Variants in MROH2B observed in about 807,000 individuals in gnomAD.
The protein encoded by MROH2B is maestro heat-like repeat-containing protein family member 2B.
In MROH2B, 177 loss-of-function variants were observed where a neutral mutation model predicts 208.6. The ratio of observed to expected loss-of-function variants is 0.85; its 90% CI spans 0.75 to 0.96. The LOEUF (loss-of-function observed/expected upper bound fraction) is 0.96. Ranked by LOEUF, MROH2B falls within the 40% of genes least tolerant of loss-of-function variation. MROH2B has a pLI of 0.00. For missense variants in MROH2B, 2,002 were observed against 1,878.7 expected (o/e 1.07, Z -1.21); for synonymous variants, 728 against 659.0 (o/e 1.10, Z -1.60).
intron 21 of MROH2B, among the ~76,000 whole-genome samples, chr5:41,035,224 G>A (rs1742716323): frequency 6.6e-6 from 1 of 152,000 alleles, no homozygotes. Flanking sequence ...GCATGGTGCT[G>A]GCACAAAAAC....
In MROH2B at chr5:41,015,413, C is replaced by T; in HGVS notation, c.2950G>A (p.Val984Ile). The change falls in exon 29 of 42, where the codon GTT (valine) becomes ATT (isoleucine). Residue 984 changes from valine (V) to isoleucine (I), a missense_variant. Physicochemically the swap from Val to Ile is conservative, Grantham distance 29. Coordinates refer to ENST00000399564, the MANE Select transcript of MROH2B (RefSeq NM_173489.5). ...QEGLESDDVQ[V>I]QIKISSKIAK... The stretch of plus-strand genomic sequence containing the variant: ...ATTTTAGAAGAAATCTTGATCTGAA[C>T]CTGCACGTCATCACTTTCCAGCCCT... 6.2e-7 allele frequency: 1 copy of T among 1,613,582 alleles called. No homozygotes were observed. Among genetic ancestry groups the T allele is most frequent in the Non-Finnish European group, 8.5e-7 (1 of 1,179,690 alleles).
chr5:41,070,740 C>T (rs758709822), intron 1 of MROH2B, 85 bp downstream of exon 1: 134 of 1,415,906 alleles, frequency 9.5e-5, no homozygotes, highest in Non-Finnish European at 1.2e-4. Context: ...TGACGCGCCA[C>T]TCCCAGCCCT....
chr5:41,047,468 G>A (rs1480409109), intron 17 of MROH2B, among the ~76,000 whole-genome samples: 2 of 152,094 alleles, frequency 1.3e-5, no homozygotes. Context: ...GAAAGACACA[G>A]GAAAAATATT....
intron 37 of MROH2B, among the ~76,000 whole-genome samples, chr5:41,003,695 A>G (rs905581788): frequency 6.6e-6 from 1 of 152,252 alleles, no homozygotes; most frequent in African/African-American, 2.4e-5. Flanking sequence ...GTTTATGAAG[A>G]ATGCACTAGA....
Position 40,998,048 on chromosome 5 carries a change from T to C in MROH2B, c.*4A>G. The stretch of plus-strand genomic sequence containing the variant: ...GAAAAGCCAGCAGTTTATTTCTTGA[T>C]GGCTTACAGAGGAATGCTTGTCTCT... On this transcript the variant is annotated 3_prime_UTR_variant, in exon 42 of 42. Transcript: ENST00000399564. 6.2e-7 allele frequency: 1 copy of C among 1,601,328 alleles called. No homozygotes were observed. The highest frequency in any genetic ancestry group is 8.5e-7 in the Non-Finnish European group (1 of 1,170,884).
chr5:41,061,443 T>G, intron 6 of MROH2B, 127 bp downstream of exon 6: 5 of 816,256 alleles, frequency 6.1e-6, no homozygotes, highest in Non-Finnish European at 8.8e-6. Context: ...AAAAAATTGA[T>G]AAATCTCATA....
Position 41,000,691 on chromosome 5 carries a change from G to A in MROH2B, c.4337C>T (p.Pro1446Leu). ...GAGAGCACTTACAACTCCAATCTTG[G>A]GGTTGGGATCCCAAAGGTGCAGAAG... is the stretch of plus-strand genomic sequence containing the variant. ...SFLLHLWDPN[P>L]KIGVACRDVL... The change falls in exon 38 of 42, where the codon CCC (proline) becomes CTC (leucine). Residue 1446 changes from proline (P) to leucine (L), a missense_variant. By Grantham distance (98) the Pro-to-Leu change is moderately conservative. Coordinates refer to ENST00000399564, the MANE Select transcript of MROH2B (RefSeq NM_173489.5). The A allele has an allele frequency of 6.2e-7, 1 of 1,611,248 alleles. No homozygotes were observed. The highest frequency in any genetic ancestry group is 8.5e-7 in the Non-Finnish European group (1 of 1,178,814).
rs373008743 is a variant in MROH2B at position 41,061,628 on chromosome 5, A to T, written c.557T>A (p.Ile186Asn). ...RLDANRLSDK[I>N]FMLFWYIMEK... Reference sequence around the variant, plus strand: ...CATTATATACCAGAACAGCATGAAGATCTTGTCAGACAGTCGGTTGGCATC... The same window carrying T: ...CATTATATACCAGAACAGCATGAAGTTCTTGTCAGACAGTCGGTTGGCATC... Residue 186 changes from isoleucine to asparagine, a missense_variant, in exon 6 of 42, where the codon ATC becomes AAC. Coordinates refer to ENST00000399564, the MANE Select transcript of MROH2B (RefSeq NM_173489.5). The T allele has an allele frequency of 2.5e-6, 4 of 1,613,850 alleles. No individual in the cohort carries two copies. The highest frequency in any genetic ancestry group is 2.5e-6 in the Non-Finnish European group (3 of 1,179,872).
At chr5:41,005,668 G>A in intron 34 of MROH2B, 23 bp from the exon 35 acceptor site, 1 of 1,560,782 alleles carries the variant, frequency 6.4e-7, no homozygotes, top group Non-Finnish European at 8.8e-7. Context: ...CATTTTAGCA[G>A]AGACATATTT....
Position 41,004,340 on chromosome 5 carries a change from A to G in MROH2B, c.4194+6T>C, listed in dbSNP as rs965276814. On this transcript the variant is annotated splice_donor_region_variant and intron_variant, in intron 37 of 41. Transcript: ENST00000399564. ...GGGAGGGAAGTTCCTAAACAGGCTC[A>G]CTTACATCTTCAAAGAAGGTCCTTG... The G allele has an allele frequency of 4.3e-6, 7 of 1,612,158 alleles. No homozygotes were observed. Among genetic ancestry groups the G allele is most frequent in the Non-Finnish European group, 3.4e-6 (4 of 1,179,334 alleles).
chr5:41,045,298 CT>C (rs1743082020), intron 18 of MROH2B, among the ~76,000 whole-genome samples: 1 of 152,190 alleles, frequency 6.6e-6, no homozygotes, highest in South Asian at 2.1e-4. Context: ...TTTGGGCGCC[CT>C]TTCCTAGAAC....
chr5:41,033,271 G>C, intron 22 of MROH2B, 111 bp from the exon 23 acceptor site: 1 of 1,442,124 alleles, frequency 6.9e-7, no homozygotes, highest in Non-Finnish European at 9.3e-7. Flanking sequence ...GAGAATCTTT[G>C]CTTCCTTTGC....
intron 24 of MROH2B, 54 bp downstream of exon 24, chr5:41,032,688 A>T: frequency 7.0e-7 from 1 of 1,418,782 alleles, no homozygotes; most frequent in Non-Finnish European, 9.8e-7. Flanking sequence ...GTTGATCAGG[A>T]GGAGGATAAG....
Position 41,033,882 on chromosome 5 carries a change from C to A in MROH2B, c.2215-18G>T. 1 of 1,548,298 alleles carries A rather than the reference C, an allele frequency of 6.5e-7. No individual in the cohort carries two copies. Among genetic ancestry groups the A allele is most frequent in the Non-Finnish European group, 8.7e-7 (1 of 1,144,888 alleles). On this transcript the variant is annotated intron_variant, in intron 21 of 41. Transcript: ENST00000399564. ...CCCAGAACCTAAAAAAAATCAAAGG[C>A]AAAATTAGATACTCAATGAGTGGCA...
chr5:41,006,242 C>G (rs980965207), intron 34 of MROH2B, among the ~76,000 whole-genome samples: 1 of 152,000 alleles, frequency 6.6e-6, no homozygotes, highest in African/African-American at 2.4e-5. Context: ...AAATGCTTAA[C>G]ATCACTAATG....
intron 29 of MROH2B, among the ~76,000 whole-genome samples, chr5:41,015,056 T>A (rs982741770): frequency 1.3e-5 from 2 of 152,230 alleles, no homozygotes; most frequent in African/African-American, 4.8e-5. Flanking sequence ...CTTTTGTTTT[T>A]GTTTCTTGAG....
In MROH2B at chr5:41,009,923, T is replaced by C. The variant is rs2111831333; in HGVS notation, c.3292A>G (p.Arg1098Gly). The change falls in exon 31 of 42, where the codon AGG (arginine) becomes GGG (glycine). Residue 1098 changes from arginine to glycine, a missense_variant and splice_region_variant. Physicochemically the swap from Arg to Gly is moderately radical, Grantham distance 125. Coordinates refer to ENST00000399564, the MANE Select transcript of MROH2B (RefSeq NM_173489.5). ...NLLQKPLPFD[R>G]DTKTLWKALA... ...GGAATCAGTTCAATAAGGATCTACCTGTCAAAAGGCAGAGGCTTCTGTAAA... is the reference window on the plus strand; with the variant it reads ...GGAATCAGTTCAATAAGGATCTACCCGTCAAAAGGCAGAGGCTTCTGTAAA... 6.2e-7 allele frequency: 1 copy of C among 1,613,164 alleles called. No individual in the cohort carries two copies.
intron 2 of MROH2B, 148 bp downstream of exon 2, chr5:41,069,543 C>T: frequency 1.6e-6 from 1 of 638,426 alleles, no homozygotes; most frequent in South Asian, 1.8e-5. Context: ...ATTACAATGA[C>T]TTTCATTACA....
rs534462722 is a variant in MROH2B at position 41,047,143 on chromosome 5, C to T, written c.1728+578G>A. Among the ~76,000 whole-genome samples the T allele has an allele frequency of 2.0e-5, 3 of 152,254 alleles. No homozygotes were observed. In the South Asian group the frequency reaches 6.2e-4, roughly 32 times the overall value. The stretch of plus-strand genomic sequence containing the variant: ...CTCCTGCAAGTTTCTGAAGTCACAT[C>T]TTTGTAAAGCCAATGTCCACTGCCT... On this transcript the variant is annotated intron_variant, in intron 17 of 41. Coordinates refer to ENST00000399564, the MANE Select transcript of MROH2B (RefSeq NM_173489.5).
Sources: allele counts gnomAD v4.1 joint callset (sites outside exome capture counted in the v4.1 genomes callset), GRCh38; gene constraint gnomAD v4.1.1; transcripts MANE v1.5; gene names NCBI Gene and HGNC (gene_info 2026-07-23, HGNC 2026-07-21).